The following ZSWIM5 variants were observed in gnomAD, a reference collection of about 807,000 sequenced individuals.
ZSWIM5 encodes the protein zinc finger SWIM-type containing 5, also known as zinc finger SWIM domain-containing protein 5.
Under a neutral mutation model 119.6 loss-of-function variants are expected in ZSWIM5, and 55 were observed. The observed-to-expected ratio is 0.46, with a 90% CI of 0.37 to 0.58. The LOEUF (loss-of-function observed/expected upper bound fraction) is 0.58. ZSWIM5 is among the 20% of genes least tolerant of loss of function. The pLI is 0.00. For missense variants in ZSWIM5, 1,193 were observed against 1,512.8 expected (o/e 0.79, Z 3.51); for synonymous variants, 537 against 606.9 (o/e 0.88, Z 1.69).
Position 45,018,412 on chromosome 1 carries a change from C to A in ZSWIM5, c.*42G>T, listed in dbSNP as rs1370805650. ...GTGCCCTTGGCCTGACCTGATACTA[C>A]CTGGGAACCCAGGCTGCTCTGGCAG... On this transcript the variant is annotated 3_prime_UTR_variant, in exon 14 of 14. Transcript: ENST00000359600. This position sits in a 1 kb window ranked among gnomAD's most constrained non-coding sequence, Gnocchi z 6.7. 6.3e-7 allele frequency: 1 copy of A among 1,591,062 alleles called. No individual in the cohort carries two copies. Among genetic ancestry groups the A allele is most frequent in the Non-Finnish European group, 8.6e-7 (1 of 1,168,476 alleles).
intron 1 of ZSWIM5, among the ~76,000 whole-genome samples, chr1:45,141,126 AG>A (rs1645724211): frequency 6.6e-6 from 1 of 152,176 alleles, no homozygotes; most frequent in African/African-American, 2.4e-5. Flanking sequence ...TCGTGATGGC[AG>A]TGAAAGCAGC....
chr1:45,177,513 C>A (rs1645988622), intron 1 of ZSWIM5, among the ~76,000 whole-genome samples: 3 of 152,008 alleles, frequency 2.0e-5, no homozygotes, highest in Admixed American at 2.0e-4. Flanking sequence ...GAGGGGTATG[C>A]AAAATATACC....
chr1:45,145,234 C>T (rs889841074), intron 1 of ZSWIM5, among the ~76,000 whole-genome samples: 1 of 151,782 alleles, frequency 6.6e-6, no homozygotes, highest in Non-Finnish European at 1.5e-5. Flanking sequence ...GGTACAGGCG[C>T]TCTGGAAAAG....
intron 11 of ZSWIM5, among the ~76,000 whole-genome samples, chr1:45,027,709 C>G (rs1644929098): frequency 6.6e-6 from 1 of 152,076 alleles, no homozygotes; most frequent in Non-Finnish European, 1.5e-5. Context: ...GAGAAAAGGT[C>G]TTACTCTTGC....
chr1:45,096,948 G>A (rs571458467), intron 1 of ZSWIM5, among the ~76,000 whole-genome samples: 1 of 152,214 alleles, frequency 6.6e-6, no homozygotes, highest in South Asian at 2.1e-4. Flanking sequence ...TGCCTTCAAC[G>A]TGCTCCAAGT....
chr1:45,040,879 T>G (rs368810864), intron 6 of ZSWIM5, among the ~76,000 whole-genome samples: 16 of 152,132 alleles, frequency 1.1e-4, no homozygotes, highest in African/African-American at 3.9e-4. Context: ...TCTCATTCAT[T>G]TAATTAATCC....
At chr1:45,049,621 C>A (rs1645078293) in intron 5 of ZSWIM5, among the ~76,000 whole-genome samples, 1 of 152,076 alleles carries the variant, frequency 6.6e-6, no homozygotes, top group African/African-American at 2.4e-5. Flanking sequence ...TGACACCAGC[C>A]TGGCCAATAT....
chr1:45,180,115 C>T (rs894567287), intron 1 of ZSWIM5, among the ~76,000 whole-genome samples: 8 of 152,078 alleles, frequency 5.3e-5, no homozygotes, highest in Admixed American at 5.2e-4. Flanking sequence ...GTGCGCCAGC[C>T]GAAGCAGGGC....
chr1:45,192,890 A>T (rs1646100617), intron 1 of ZSWIM5, among the ~76,000 whole-genome samples: 1 of 151,976 alleles, frequency 6.6e-6, no homozygotes, highest in Admixed American at 6.6e-5. Flanking sequence ...GATTTTCATT[A>T]CTCTAATAAT....
intron 1 of ZSWIM5, among the ~76,000 whole-genome samples, chr1:45,165,746 A>ACCCTC (rs1645897822): frequency 1.3e-5 from 2 of 152,092 alleles, no homozygotes; most frequent in African/African-American, 2.4e-5. Flanking sequence ...GAACACATAC[A>ACCCTC]CCCTCCCAAG....
In ZSWIM5 at chr1:45,181,493, A is replaced by G. The variant is rs145043310; in HGVS notation, c.595+24263T>C. On this transcript the variant is annotated intron_variant, in intron 1 of 13. Coordinates refer to ENST00000359600, the MANE Select transcript of ZSWIM5 (RefSeq NM_020883.2). Reference sequence around the variant, plus strand: ...TGAAAGGGACAGGGAGAATGGAACCAAGTTGGAAAACACTGTGCAGGATAT... The same window carrying G: ...TGAAAGGGACAGGGAGAATGGAACCGAGTTGGAAAACACTGTGCAGGATAT... Among the ~76,000 whole-genome samples, 1,108 of 151,866 alleles carry G rather than the reference A, an allele frequency of 7.3e-3. 12 individuals carry two copies. The highest frequency in any genetic ancestry group is 0.026 in the African/African-American group (1,073 of 41,370).
At chr1:45,030,878 CCT>C (rs1158669691) in intron 11 of ZSWIM5, among the ~76,000 whole-genome samples, 1 of 146,640 alleles carries the variant, frequency 6.8e-6, no homozygotes, top group Admixed American at 7.0e-5. Context: ...CTCATTGCAA[CCT>C]CTGTCTCCCT....
At chr1:45,120,131 G>A (rs1645582298) in intron 1 of ZSWIM5, among the ~76,000 whole-genome samples, 1 of 152,150 alleles carries the variant, frequency 6.6e-6, no homozygotes, top group African/African-American at 2.4e-5. Context: ...ATCACTTGAG[G>A]TCAGGCATTC....
At chr1:45,056,610 CAAA>C (rs35492318) in intron 4 of ZSWIM5, among the ~76,000 whole-genome samples, 1 of 140,792 alleles carries the variant, frequency 7.1e-6, no homozygotes, top group African/African-American at 2.6e-5. Flanking sequence ...GACTCTGTCT[CAAA>C]AAAAAAAAAA....
At chr1:45,090,849 A>G (rs1645360584) in intron 1 of ZSWIM5, among the ~76,000 whole-genome samples, 1 of 151,756 alleles carries the variant, frequency 6.6e-6, no homozygotes, top group African/African-American at 2.4e-5. Context: ...AAAAAAAAGA[A>G]CTAAAGAAGA....
intron 1 of ZSWIM5, among the ~76,000 whole-genome samples, chr1:45,132,709 C>G (rs1385452749): frequency 2.0e-5 from 3 of 151,974 alleles, no homozygotes; most frequent in Non-Finnish European, 4.4e-5. Flanking sequence ...GTGTGCTGCA[C>G]CCATTAACTC....
rs1262798562 is a variant in ZSWIM5 at position 45,087,893 on chromosome 1, T to C, written c.940A>G (p.Asn314Asp). The C allele has an allele frequency of 6.2e-7, 1 of 1,603,378 alleles. No individual in the cohort carries two copies. The highest frequency in any genetic ancestry group is 8.5e-7 in the Non-Finnish European group (1 of 1,174,616). The change falls in exon 2 of 14, where the codon AAC (asparagine) becomes GAC (aspartate). Residue 314 changes from asparagine (N) to aspartate (D), a missense_variant. Asn to Asp is a conservative substitution (Grantham distance 23). Around this residue, in one of 2 missense-constraint regions of ZSWIM5, gnomAD observed 961 missense variants for 1,290.0 expected, o/e 0.74. Transcript: ENST00000359600. ...GTTGTACAATTACCATTCACTTGGT[T>C]GATTTCTGAGTTGGAGGATAGAATC... is the stretch of plus-strand genomic sequence containing the variant. ...DEILSSNSEI[N>D]QVNGAPDPTA... is the part of the protein sequence containing the mutation.
At chr1:45,077,085 C>T (rs1217944474) in intron 2 of ZSWIM5, among the ~76,000 whole-genome samples, 1 of 152,148 alleles carries the variant, frequency 6.6e-6, no homozygotes, top group Non-Finnish European at 1.5e-5. Flanking sequence ...ATCTGTGTTT[C>T]TCCAGGATTG....
chr1:45,192,398 G>T (rs1162316399), intron 1 of ZSWIM5, among the ~76,000 whole-genome samples: 1 of 152,092 alleles, frequency 6.6e-6, no homozygotes, highest in African/African-American at 2.4e-5. Flanking sequence ...TTGGTGTCTG[G>T]CTTATTCACT....
Sources: gnomAD v4.1 joint callset for allele counts (sites outside exome capture counted in the v4.1 genomes callset) on GRCh38, gnomAD v4.1.1 for gene constraint, gnomAD v4.1.1 regional missense constraint, Gnocchi (gnomAD v3.1) non-coding constraint, MANE v1.5 for transcripts, NCBI Gene and HGNC (gene_info 2026-07-23, HGNC 2026-07-21) for gene names.